PCDH15: variants seen among roughly 807,000 people sequenced by gnomAD.
PCDH15 encodes the protein protocadherin related 15.
PCDH15 carries 129 observed loss-of-function variants against 178.5 expected under a neutral mutation model. The ratio of observed to expected loss-of-function variants is 0.72; its 90% CI spans 0.63 to 0.84. The LOEUF (loss-of-function observed/expected upper bound fraction) is 0.84, where lower values mean the gene tolerates loss of function less well. PCDH15 is among the 40% of genes least tolerant of loss of function. The pLI, the probability that PCDH15 is intolerant of heterozygous loss-of-function variation, is 0.00. For missense variants in PCDH15, 2,230 were observed against 2,099.9 expected (o/e 1.06, Z -1.21); for synonymous variants, 800 against 732.0 (o/e 1.09, Z -1.50).
intron 1 of PCDH15, among the ~76,000 whole-genome samples, chr10:54,731,561 T>TACACACAC (rs1259614508): frequency 8.3e-5 from 4 of 48,358 alleles, no homozygotes; most frequent in East Asian, 7.8e-4. Context: ...TATATATATA[T>TACACACAC]ATACACACAC....
rs553950310 is a variant in PCDH15, at chr10:54,058,742, G to A, written c.2220+8015C>T. On this transcript the variant is annotated intron_variant, in intron 18 of 37. Coordinates refer to ENST00000644397, the MANE Select transcript of PCDH15 (RefSeq NM_001384140.1). ...AAGTTTTGCTCTTGTTGCCCAGGCT[G>A]GAGTGCAGTGGTGCAATCTCAACTC... Among the ~76,000 whole-genome samples the A allele has an allele frequency of 2.3e-4, 35 of 150,854 alleles. No homozygotes were observed. The South Asian group carries it at 2.7e-3, about 12-fold the overall frequency.
At chr10:54,147,652 C>T (rs1044392039) in intron 14 of PCDH15, among the ~76,000 whole-genome samples, 5 of 151,496 alleles carry the variant, frequency 3.3e-5, no homozygotes, top group Non-Finnish European at 7.4e-5. Flanking sequence ...ATATATAATA[C>T]CAACTTGTGG....
chr10:54,895,497 A>G (rs1158704736), intron 3 of PCDH15, among the ~76,000 whole-genome samples: 1 of 152,170 alleles, frequency 6.6e-6, no homozygotes, highest in Admixed American at 6.6e-5. Flanking sequence ...GTATTTTTAC[A>G]CTTTCTGTTC....
At chr10:55,469,881 T>C (rs1839918760) in intron 2 of PCDH15, among the ~76,000 whole-genome samples, 1 of 152,036 alleles carries the variant, frequency 6.6e-6, no homozygotes. Context: ...TAAAATTAAA[T>C]ATTAAATTTA....
intron 13 of PCDH15, among the ~76,000 whole-genome samples, chr10:54,178,300 G>T (rs974970): frequency 0.44 from 66,294 of 151,858 alleles, 16,134 homozygotes; most frequent in African/African-American, 0.63. Context: ...AATACAGATA[G>T]AAATATAGAG....
At chr10:54,012,630 G>T (rs1380809704) in intron 20 of PCDH15, among the ~76,000 whole-genome samples, 1 of 152,064 alleles carries the variant, frequency 6.6e-6, no homozygotes, top group Non-Finnish European at 1.5e-5. Context: ...AAGAGATTGG[G>T]GGCCTATGTT....
At chr10:55,065,955 C>T (rs75044201) in intron 2 of PCDH15, among the ~76,000 whole-genome samples, 1 of 151,860 alleles carries the variant, frequency 6.6e-6, no homozygotes, top group East Asian at 1.9e-4. Context: ...TTGCTTTGGT[C>T]AAAATACAAA....
chr10:54,580,173 A>G (rs897795648), intron 2 of PCDH15, among the ~76,000 whole-genome samples: 2 of 152,046 alleles, frequency 1.3e-5, no homozygotes, highest in Non-Finnish European at 2.9e-5. Flanking sequence ...AAAGATCAAC[A>G]AGACCAAAAG....
At chr10:54,986,059 A>G (rs183067174) in intron 2 of PCDH15, among the ~76,000 whole-genome samples, 118 of 152,330 alleles carry the variant, frequency 7.7e-4, no homozygotes, top group Non-Finnish European at 1.3e-3. Flanking sequence ...GACAAGTAGG[A>G]AGAAGAAATT....
intron 2 of PCDH15, among the ~76,000 whole-genome samples, chr10:55,433,661 T>C (rs1347618013): frequency 6.8e-6 from 1 of 147,916 alleles, no homozygotes; most frequent in Non-Finnish European, 1.5e-5. Flanking sequence ...AATTTTAATA[T>C]AATCCAATGT....
intron 3 of PCDH15, among the ~76,000 whole-genome samples, chr10:54,474,887 A>ATGTTG (rs2078172108): frequency 3.9e-5 from 6 of 151,948 alleles, no homozygotes; most frequent in Admixed American, 3.9e-4. Context: ...TATCAATACA[A>ATGTTG]ATGTTACATA....
chr10:54,060,607 G>C (rs2093993792), intron 18 of PCDH15, among the ~76,000 whole-genome samples: 1 of 152,120 alleles, frequency 6.6e-6, no homozygotes, highest in African/African-American at 2.4e-5. Flanking sequence ...TTTTGCGATA[G>C]CGAAATCCAG....
intron 2 of PCDH15, among the ~76,000 whole-genome samples, chr10:55,522,654 C>T (rs1841208192): frequency 6.6e-6 from 1 of 151,462 alleles, no homozygotes; most frequent in Non-Finnish European, 1.5e-5. Context: ...TTTAGTTTAC[C>T]CATTTGCATA....
chr10:55,211,824 G>A (rs1021052931), intron 1 of PCDH15, among the ~76,000 whole-genome samples: 15 of 151,982 alleles, frequency 9.9e-5, no homozygotes, highest in African/African-American at 2.9e-4. Context: ...CTAGAAATTC[G>A]GACTTAAGTT....
intron 3 of PCDH15, among the ~76,000 whole-genome samples, chr10:54,851,793 C>T (rs1379052704): frequency 1.3e-5 from 2 of 152,218 alleles, no homozygotes; most frequent in African/African-American, 4.8e-5. Flanking sequence ...TGATCTCAAA[C>T]TTCTGACCTC....
At chr10:53,954,001 A>C (rs2087359194) in intron 23 of PCDH15, among the ~76,000 whole-genome samples, 1 of 152,150 alleles carries the variant, frequency 6.6e-6, no homozygotes, top group Admixed American at 6.6e-5. Flanking sequence ...CGTGTTAGCC[A>C]GGATGGTCTC....
chr10:54,978,636 A>G (rs1564683324), intron 2 of PCDH15, among the ~76,000 whole-genome samples: 1 of 152,110 alleles, frequency 6.6e-6, no homozygotes, highest in Non-Finnish European at 1.5e-5. Flanking sequence ...TTCCAAGAAG[A>G]CTCACTAGAG....
At chr10:54,730,147 C>T (rs1012377787) in intron 1 of PCDH15, among the ~76,000 whole-genome samples, 1 of 151,544 alleles carries the variant, frequency 6.6e-6, no homozygotes, top group Non-Finnish European at 1.5e-5. Context: ...TGGAATCAAC[C>T]TAAATGATTA....
At chr10:54,316,885 G>T in intron 8 of PCDH15, among the ~76,000 whole-genome samples, 1 of 152,164 alleles carries the variant, frequency 6.6e-6, no homozygotes, top group African/African-American at 2.4e-5. Context: ...ATTCTACTGG[G>T]CCAAAAATGT....
Sources: allele counts gnomAD v4.1 joint callset (sites outside exome capture counted in the v4.1 genomes callset), GRCh38; gene constraint gnomAD v4.1.1; transcripts MANE v1.5; gene names NCBI Gene and HGNC (gene_info 2026-07-23, HGNC 2026-07-21).